TRAPPC9: variants seen among roughly 807,000 people sequenced by gnomAD.
The protein encoded by TRAPPC9 is IKK2 binding protein.
Under a neutral mutation model 124.0 loss-of-function variants are expected in TRAPPC9, and 83 were observed. The observed-to-expected ratio is 0.67, with a 90% CI of 0.56 to 0.80. The LOEUF (loss-of-function observed/expected upper bound fraction) is 0.80. Among genes scored for constraint, TRAPPC9 ranks in the 30% least tolerant of loss-of-function variants. The pLI is 0.00. For synonymous variants in TRAPPC9, 638 were observed against 617.5 expected (o/e 1.03, Z -0.49); for missense variants, 1,302 against 1,508.3 (o/e 0.86, Z 2.27).
chr8:139,733,863 G>A (rs566366708), intron 21 of TRAPPC9, among the ~76,000 whole-genome samples: 1 of 152,330 alleles, frequency 6.6e-6, no homozygotes, highest in South Asian at 2.1e-4. Flanking sequence ...TGTCCTCACT[G>A]CAGCCTGGAG....
intron 21 of TRAPPC9, among the ~76,000 whole-genome samples, chr8:139,835,551 T>A (rs146605348): frequency 2.6e-5 from 4 of 152,310 alleles, no homozygotes; most frequent in African/African-American, 9.6e-5. Context: ...ACATCCTCAC[T>A]AATAAACCTG....
chr8:140,132,017 A>G (rs2061217315), intron 17 of TRAPPC9, among the ~76,000 whole-genome samples: 4 of 152,126 alleles, frequency 2.6e-5, no homozygotes, highest in African/African-American at 9.7e-5. Flanking sequence ...TCAGCCACAG[A>G]ATTCCAGCTT....
At chr8:140,193,536 TA>T (rs1403636755) in intron 17 of TRAPPC9, among the ~76,000 whole-genome samples, 1 of 147,036 alleles carries the variant, frequency 6.8e-6, no homozygotes, top group African/African-American at 2.6e-5. Context: ...CTGGCAAGTT[TA>T]AGAAGTTCAG....
At chr8:140,080,806 C>T (rs747697968) in intron 17 of TRAPPC9, among the ~76,000 whole-genome samples, 1 of 152,174 alleles carries the variant, frequency 6.6e-6, no homozygotes, top group Non-Finnish European at 1.5e-5. Context: ...GTGCTATGGG[C>T]CAGAGCTTTC....
rs535980394 is a variant in TRAPPC9 at position 140,414,898 on chromosome 8, C to T, written c.887-9200G>A. Among the ~76,000 whole-genome samples, 7 of 152,216 alleles carry T rather than the reference C, an allele frequency of 4.6e-5. No individual in the cohort carries two copies. The South Asian group carries it at 1.5e-3, about 32-fold the overall frequency. ...CTGGGATTACAGACGTGCCAACATGCCCAACTAATTTTTGTATTTTTAGTA... is the reference window on the plus strand; with the variant it reads ...CTGGGATTACAGACGTGCCAACATGTCCAACTAATTTTTGTATTTTTAGTA... On this transcript the variant is annotated intron_variant, in intron 5 of 22. Coordinates refer to ENST00000438773, the MANE Select transcript of TRAPPC9 (RefSeq NM_001160372.4).
chr8:140,255,881 G>A (rs528739056), intron 15 of TRAPPC9, among the ~76,000 whole-genome samples: 7 of 152,168 alleles, frequency 4.6e-5, no homozygotes, highest in East Asian at 1.9e-4. Context: ...GCGAGACTCC[G>A]TCCCCAAAAC....
intron 17 of TRAPPC9, among the ~76,000 whole-genome samples, chr8:140,088,936 G>A (rs1057288087): frequency 3.3e-5 from 5 of 152,116 alleles, no homozygotes; most frequent in Non-Finnish European, 7.4e-5. Context: ...TGCAGAGGAC[G>A]GGTCTGTTTG....
chr8:139,881,193 C>G (rs1009827070), intron 21 of TRAPPC9: 12 of 152,216 alleles, frequency 7.9e-5, no homozygotes, highest in African/African-American at 2.7e-4. Flanking sequence ...AGACTGTCCA[C>G]AGGCTCACTC....
chr8:140,298,817 C>T (rs1291697598), intron 11 of TRAPPC9, among the ~76,000 whole-genome samples: 2 of 152,234 alleles, frequency 1.3e-5, no homozygotes, highest in African/African-American at 4.8e-5. Context: ...TCCCCGTCAA[C>T]AAAATCTATA....
intron 14 of TRAPPC9, among the ~76,000 whole-genome samples, chr8:140,278,994 G>A (rs945950173): frequency 3.9e-5 from 6 of 152,216 alleles, no homozygotes; most frequent in Non-Finnish European, 5.9e-5. Context: ...TCATCACAGC[G>A]CTGAATTCTC....
At chr8:140,334,234 C>T (rs1218590934) in intron 9 of TRAPPC9, among the ~76,000 whole-genome samples, 2 of 152,204 alleles carry the variant, frequency 1.3e-5, no homozygotes, top group Non-Finnish European at 2.9e-5. Flanking sequence ...TATCTTAAAT[C>T]GCTCAACTGG....
At chr8:140,433,697 T>A (rs1235556369) in intron 4 of TRAPPC9, among the ~76,000 whole-genome samples, 1 of 152,236 alleles carries the variant, frequency 6.6e-6, no homozygotes, top group Non-Finnish European at 1.5e-5. Flanking sequence ...ACGTTTTTAC[T>A]TTTCTCATCT....
At chr8:139,905,533 T>C (rs573891548) in intron 20 of TRAPPC9, among the ~76,000 whole-genome samples, 14 of 152,054 alleles carry the variant, frequency 9.2e-5, no homozygotes, top group African/African-American at 3.4e-4. Flanking sequence ...TGTCCCCACT[T>C]CATGATGAGA....
chr8:139,747,204 G>A (rs558421686), intron 21 of TRAPPC9, among the ~76,000 whole-genome samples: 1 of 152,176 alleles, frequency 6.6e-6, no homozygotes, highest in South Asian at 2.1e-4. Flanking sequence ...CGCCCCCACC[G>A]CTCTGTGTGG....
Position 140,290,592 on chromosome 8 carries a change from A to G in TRAPPC9, c.1854+401T>C, listed in dbSNP as rs141887150. Among the ~76,000 whole-genome samples, 923 of 152,296 alleles carry G rather than the reference A, an allele frequency of 6.1e-3. 9 individuals are homozygous for G. Among genetic ancestry groups the G allele is most frequent in the African/African-American group, 0.021 (875 of 41,546 alleles). ...GTGGTCATTTATCCTCCCATTCCAC[A>G]GCTTGTTCTTCCCTGGGGCCTTGGT... On this transcript the variant is annotated intron_variant, in intron 12 of 22. Coordinates refer to ENST00000438773, the MANE Select transcript of TRAPPC9 (RefSeq NM_001160372.4).
At chr8:140,298,615 G>A (rs191747499) in intron 11 of TRAPPC9, among the ~76,000 whole-genome samples, 29 of 152,094 alleles carry the variant, frequency 1.9e-4, no homozygotes, top group Middle Eastern at 3.4e-3. Context: ...TTATACCACT[G>A]CACTTCAGCC....
intron 19 of TRAPPC9, among the ~76,000 whole-genome samples, chr8:139,941,733 G>A (rs1833934476): frequency 6.6e-6 from 1 of 152,222 alleles, no homozygotes; most frequent in Non-Finnish European, 1.5e-5. Flanking sequence ...AAGCATTTCA[G>A]TGAAGGTCTC....
At chr8:139,853,496 C>T (rs1287201628) in intron 21 of TRAPPC9, among the ~76,000 whole-genome samples, 1 of 152,192 alleles carries the variant, frequency 6.6e-6, no homozygotes, top group African/African-American at 2.4e-5. Flanking sequence ...GAATCACCTG[C>T]ACCTAGCACA....
chr8:140,261,298 C>A (rs1039298330), intron 15 of TRAPPC9, among the ~76,000 whole-genome samples: 2 of 152,168 alleles, frequency 1.3e-5, no homozygotes, highest in Admixed American at 6.5e-5. Context: ...TCATGGCAGG[C>A]GCTATGCTAG....
Sources: gnomAD v4.1 joint callset for allele counts (sites outside exome capture counted in the v4.1 genomes callset) on GRCh38, gnomAD v4.1.1 for gene constraint, MANE v1.5 for transcripts, NCBI Gene and HGNC (gene_info 2026-07-23, HGNC 2026-07-21) for gene names.